ETV3: variants seen among roughly 807,000 people sequenced by gnomAD.
ETV3 encodes ETS variant transcription factor 3.
Under a neutral mutation model 33.0 loss-of-function variants are expected in ETV3, and 8 were observed. The ratio of observed to expected loss-of-function variants is 0.24; its 90% CI spans 0.14 to 0.44. ETV3 has a LOEUF of 0.44. ETV3 is among the 20% of genes least tolerant of loss of function. ETV3 has a pLI of 1.00. For missense variants in ETV3, 473 were observed against 652.3 expected (o/e 0.73, Z 2.99); for synonymous variants, 222 against 238.9 (o/e 0.93, Z 0.65).
chr1:157,132,276 G>C (rs900165006), intron 4 of ETV3, among the ~76,000 whole-genome samples: 1 of 152,204 alleles, frequency 6.6e-6, no homozygotes, highest in Non-Finnish European at 1.5e-5. Context: ...AGGATCTTGA[G>C]CTTGGGTTAA....
chr1:157,124,765 C>CCCCCCTAA lies in ETV3; in HGVS notation c.*75_*76insTTAGGGGG. 17 of 408,016 alleles carry CCCCCCTAA rather than the reference C, an allele frequency of 4.2e-5. No individual in the cohort carries two copies. The South Asian group carries it at 4.3e-4, about 10-fold the overall frequency. The allele number at this position is 408,016 out of a possible 1,614,324, so 25.3% of individuals were successfully genotyped here. A position where few individuals can be genotyped will look rare whatever the true frequency, so the allele number is the denominator to read the frequency against. ...CAAACCAGTTTAACTCCCTCCCCCC[C>CCCCCCTAA]ACCCTGAAATCTTGCTACATAAATA... On this transcript the variant is annotated 3_prime_UTR_variant, in exon 5 of 5. Transcript: ENST00000368192.
chr1:157,128,317 G>A (rs537517360), intron 4 of ETV3: 43 of 163,440 alleles, frequency 2.6e-4, no homozygotes, highest in Middle Eastern at 2.8e-3. Context: ...TCTGGCTTCC[G>A]AGCAGGAACC....
intron 4 of ETV3, among the ~76,000 whole-genome samples, chr1:157,131,453 C>CGGCATAT (rs1212092546): frequency 2.0e-5 from 3 of 152,132 alleles, no homozygotes; most frequent in Non-Finnish European, 2.9e-5. Context: ...GTATTAAACC[C>CGGCATAT]GGCATATCTT....
chr1:157,129,889 G>A (rs752045975), intron 4 of ETV3, among the ~76,000 whole-genome samples: 2 of 152,088 alleles, frequency 1.3e-5, no homozygotes, highest in African/African-American at 2.4e-5. Flanking sequence ...TGTCGCCCAG[G>A]CTGGAGTGCA....
At position 157,130,789 on chromosome 1, in the gene ETV3, T is replaced by A. The variant is rs571471464; in HGVS notation, c.400+3323A>T. ...CAAATTGCATGTCATTGTTAAATAA[T>A]TTTTTTATTAATCATGGTACAAAAT... On this transcript the variant is annotated intron_variant, in intron 4 of 4. Transcript: ENST00000368192. Among the ~76,000 whole-genome samples, 3 of 152,318 alleles carry A rather than the reference T, an allele frequency of 2.0e-5. No individual in the cohort carries two copies. In the East Asian group the frequency reaches 5.8e-4, roughly 29 times the overall value.
chr1:157,134,933 A>G (rs1372578592), intron 3 of ETV3, among the ~76,000 whole-genome samples: 2 of 152,332 alleles, frequency 1.3e-5, no homozygotes, highest in East Asian at 1.9e-4. Context: ...TAAGACCGAC[A>G]AGGGGAAAAA....
Position 157,125,262 on chromosome 1 carries a change from A to G in ETV3, c.1118T>C (p.Met373Thr), listed in dbSNP as rs1674801721. ...CTTGATTCTTGGGGGAATAGAAGCC[A>G]TGGTGGGCGTGGTGACTGGTGCTGA... ...EESAPVTTPT[M>T]ASIPPRIKVE... is the part of the protein sequence containing the mutation. The change falls in exon 5 of 5, where the codon ATG becomes ACG. Residue 373 changes from methionine to threonine, a missense_variant. Around this residue, in one of 3 missense-constraint regions of ETV3, gnomAD observed 410 missense variants for 520.2 expected, o/e 0.79. Transcript: ENST00000368192. This position sits in a 1 kb window ranked among gnomAD's most constrained non-coding sequence, Gnocchi z 4.0. 1 of 1,551,972 alleles carries G rather than the reference A, an allele frequency of 6.4e-7. No individual in the cohort carries two copies. The highest frequency in any genetic ancestry group is 1.2e-5 in the South Asian group (1 of 84,046).
At chr1:157,136,241 G>A in intron 2 of ETV3, 66 bp downstream of exon 2, 1 of 1,462,472 alleles carries the variant, frequency 6.8e-7, no homozygotes, top group Non-Finnish European at 9.6e-7. Context: ...CAGAGCTCAA[G>A]TGGAGAGGAC....
chr1:157,133,876 A>C (rs1160446031), intron 4 of ETV3: 2 of 1,362,690 alleles, frequency 1.5e-6, no homozygotes, highest in Non-Finnish European at 1.9e-6. Context: ...GATTACAAAC[A>C]ATATGCAGAA....
intron 3 of ETV3, 98 bp downstream of exon 3, chr1:157,135,373 A>T (rs766907314): frequency 5.1e-6 from 7 of 1,371,240 alleles, no homozygotes; most frequent in East Asian, 2.3e-5. Context: ...AAGATAGTGT[A>T]GTCTTTTATT....
chr1:157,127,767 G>A (rs1213236303), intron 4 of ETV3, among the ~76,000 whole-genome samples: 1 of 151,938 alleles, frequency 6.6e-6, no homozygotes, highest in Non-Finnish European at 1.5e-5. Context: ...GGCTGATCTC[G>A]AACTCCTGGC....
chr1:157,124,927 C>CA lies in ETV3; in HGVS notation c.1452dup (p.Glu485Ter). 5 of 1,551,652 alleles carry CA rather than the reference C, an allele frequency of 3.2e-6. No homozygotes were observed. In the African/African-American group the frequency reaches 4.1e-5, roughly 13 times the overall value. ...CCACTCTTGCTCAGCTCTCGGGCTT[C>CA]AGGGTCATCATTCCAGCGCCGCTTC... On this transcript the variant is annotated frameshift_variant, in exon 5 of 5. Coordinates refer to ENST00000368192, the MANE Select transcript of ETV3 (RefSeq NM_001145312.3). LOFTEE classifies it high-confidence loss of function.
intron 4 of ETV3, among the ~76,000 whole-genome samples, chr1:157,127,287 TTTG>T (rs1674865265): frequency 1.3e-5 from 2 of 152,380 alleles, no homozygotes; most frequent in South Asian, 4.1e-4. Flanking sequence ...AGGCTACACA[TTTG>T]TTAAGTTCTT....
At position 157,125,635 on chromosome 1, in the gene ETV3, C is replaced by G; in HGVS notation, c.745G>C (p.Val249Leu). 1 of 1,551,682 alleles carries G rather than the reference C, an allele frequency of 6.4e-7. No individual in the cohort carries two copies. The highest frequency in any genetic ancestry group is 8.7e-7 in the Non-Finnish European group (1 of 1,147,000). ...CCTCCGCGGCCAGGGATTGGAGAGA[C>G]AGCGAAGGGACTGTGGGGGTCAGGG... is the stretch of plus-strand genomic sequence containing the variant. ...MYPDPHSPFA[V>L]SPIPGRGGVL... Residue 249 changes from valine (V) to leucine (L), a missense_variant, in exon 5 of 5, where the codon GTC becomes CTC. Physicochemically the swap from Val to Leu is conservative, Grantham distance 32. Transcript: ENST00000368192. The surrounding 1 kb of genome is among the most constrained non-coding windows in gnomAD (Gnocchi z 4.0).
At chr1:157,134,087 C>T in intron 4 of ETV3, 25 bp downstream of exon 4, 1 of 1,594,546 alleles carries the variant, frequency 6.3e-7, no homozygotes, top group Admixed American at 1.8e-5. Flanking sequence ...AAATTAATTC[C>T]CTACCAAAAG....
At chr1:157,137,536 ACACACT>A (rs1389658779) in intron 1 of ETV3, among the ~76,000 whole-genome samples, 4 of 137,072 alleles carry the variant, frequency 2.9e-5, no homozygotes, top group Admixed American at 7.7e-5. Flanking sequence ...ACACACACAC[ACACACT>A]CTCACACACA....
Position 157,124,871 on chromosome 1 carries a change from C to T in ETV3, c.1509G>A (p.Gln503=). 6.5e-7 allele frequency: 1 copy of T among 1,549,276 alleles called. No individual in the cohort carries two copies. The change falls in exon 5 of 5, where the codon CAG becomes CAA. Residue 503 remains glutamine, a synonymous_variant. Transcript: ENST00000368192. ...CATCAGCAGCTGCTGTTGCCAAGCC[C>T]TGGGGTCCTGACCCATTCCAGAGAA... is the stretch of plus-strand genomic sequence containing the variant. The part of the protein sequence containing the change: ...GKFLWNGSGP[Q]GLATAAADA
At chr1:157,126,682 G>A (rs1183786130) in intron 4 of ETV3, among the ~76,000 whole-genome samples, 1 of 152,208 alleles carries the variant, frequency 6.6e-6, no homozygotes, top group African/African-American at 2.4e-5. Flanking sequence ...TGCCCTGGCT[G>A]ACTGTAGGGA....
chr1:157,133,718 C>T, intron 4 of ETV3: 1 of 1,001,480 alleles, frequency 1.0e-6, no homozygotes, highest in Non-Finnish European at 1.2e-6. Context: ...TTGGTAGTTT[C>T]ACAGAAAATC....
Sources: gnomAD v4.1 joint callset for allele counts (sites outside exome capture counted in the v4.1 genomes callset) on GRCh38, gnomAD v4.1.1 for gene constraint, gnomAD v4.1.1 regional missense constraint, Gnocchi (gnomAD v3.1) non-coding constraint, MANE v1.5 for transcripts, NCBI Gene and HGNC (gene_info 2026-07-23, HGNC 2026-07-21) for gene names.